LIPE: variants seen among roughly 807,000 people sequenced by gnomAD.
LIPE encodes the protein lipase E, hormone sensitive type, also known as hormone-sensitive lipase.
Under a neutral mutation model 88.5 loss-of-function variants are expected in LIPE, and 66 were observed. The ratio of observed to expected loss-of-function variants is 0.75; its 90% confidence interval spans 0.61 to 0.91. LIPE has a LOEUF of 0.91. Among genes scored for constraint, LIPE ranks in the 40% least tolerant of loss-of-function variants. LIPE has a pLI of 0.00. For synonymous variants in LIPE, 570 were observed against 617.5 expected, an observed-to-expected ratio of 0.92 and a Z score of 1.14; for missense variants, 1,346 against 1,434.7, an observed-to-expected ratio of 0.94 and a Z score of 1.00.
rs538690370 is a variant in LIPE, at chr19:42,401,820, G to C, written c.3223C>G (p.Arg1075Gly). ...ATGGGAACAACAGGCTTTTAGTGTC[G>C]CCCCCCGCAGCCCCCGTCTACCCCC... is the stretch of plus-strand genomic sequence containing the variant. ...AAGVDGGCGG[R>G]H Residue 1075 changes from arginine to glycine, a missense_variant, in exon 10 of 10, where the codon CGA (arginine) becomes GGA (glycine). Arg to Gly is a moderately radical substitution (Grantham distance 125). Coordinates refer to ENST00000244289, the MANE Select transcript of LIPE (RefSeq NM_005357.4). The C allele has an allele frequency of 5.4e-6, 8 of 1,479,354 alleles. No individual in the cohort carries two copies. 91.6% of individuals were successfully genotyped at this position (1,479,354 alleles called of 1,614,324 possible). A position where few individuals can be genotyped will look rare whatever the true frequency, so the allele number is the denominator to read the frequency against.
rs371656191 is a variant in LIPE at position 42,407,322 on chromosome 19, G to A, written c.1989C>T (p.His663=). The change falls in exon 6 of 10, where the codon CAC becomes CAT. Residue 663 remains histidine (H), a synonymous_variant. Transcript: ENST00000244289. This position sits in a 1 kb window ranked among gnomAD's most constrained non-coding sequence, Gnocchi z 5.8. The stretch of plus-strand genomic sequence containing the variant: ...GGGCCCAGCTCTTGAGGTAGGGCTC[G>A]TGGGATCTGGAGGTCTGGGCCACAA... The part of the protein sequence containing the change: ...GGFVAQTSRS[H]EPYLKSWAQE... 35 of 1,612,108 alleles carry A rather than the reference G, an allele frequency of 2.2e-5. No individual in the cohort carries two copies. In the East Asian group the frequency reaches 4.2e-4, roughly 20 times the overall value.
chr19:42,406,031 G>A lies in LIPE; in HGVS notation c.2365+130C>T. On this transcript the variant is annotated intron_variant, in intron 7 of 9. Transcript: ENST00000244289. This position sits in a 1 kb window ranked among gnomAD's most constrained non-coding sequence, Gnocchi z 5.7. The stretch of plus-strand genomic sequence containing the variant: ...ACACACACACACACGAAAAAAAAGG[G>A]ACAAGGAGTCTTAGATTCCTCTGCC... 2.9e-6 allele frequency: 2 copies of A among 690,792 alleles called. No homozygotes were observed. Among genetic ancestry groups the A allele is most frequent in the South Asian group, 3.7e-5 (2 of 53,864 alleles). 42.8% of individuals were successfully genotyped at this position (690,792 alleles called of 1,614,324 possible).
rs2040040297 is a variant in LIPE, at chr19:42,403,041, G to A, written c.2543-10C>T. Reference sequence around the variant, plus strand: ...CTGCGGCGCATCGGCTCTGAGAGAGGGAGAGCAGATAGGCCTGGCTCCGTT... The same window carrying A: ...CTGCGGCGCATCGGCTCTGAGAGAGAGAGAGCAGATAGGCCTGGCTCCGTT... On this transcript the variant is annotated splice_polypyrimidine_tract_variant and intron_variant, in intron 8 of 9. Coordinates refer to ENST00000244289, the MANE Select transcript of LIPE (RefSeq NM_005357.4). 1.3e-6 allele frequency: 2 copies of A among 1,536,438 alleles called. No homozygotes were observed. The highest frequency in any genetic ancestry group is 1.4e-5 in the African/African-American group (1 of 72,964).
rs2040334753 is a variant in LIPE, at chr19:42,410,356, T to G, written c.1370A>C (p.Tyr457Ser). Residue 457 changes from tyrosine to serine, a missense_variant, in exon 2 of 10, where the codon TAT (tyrosine) becomes TCT (serine). By Grantham distance (144) the Tyr-to-Ser change is moderately radical (BLOSUM62 -2). Transcript: ENST00000244289. This position sits in a 1 kb window ranked among gnomAD's most constrained non-coding sequence, Gnocchi z 6.1. ...EGLTADFLREYVTLHKGCFYG... is the reference protein window; with the variant it reads ...EGLTADFLRESVTLHKGCFYG... ...GAAGCATCCCTTATGCAGCGTGACA[T>G]ACTCCCGGAGGAAGTCGGCGGTGAG... 1 of 1,613,206 alleles carries G rather than the reference T, an allele frequency of 6.2e-7. No individual in the cohort carries two copies. Among genetic ancestry groups the G allele is most frequent in the Non-Finnish European group, 8.5e-7 (1 of 1,179,564 alleles).
intron 1 of LIPE, among the ~76,000 whole-genome samples, chr19:42,421,759 C>A (rs2040602980): frequency 6.6e-6 from 1 of 152,246 alleles, no homozygotes; most frequent in Non-Finnish European, 1.5e-5. Flanking sequence ...AGGACACTAG[C>A]CTCATCCAGT....
chr19:42,411,352 C>T, intron 1 of LIPE: 5 of 984,758 alleles, frequency 5.1e-6, no homozygotes, highest in Non-Finnish European at 6.0e-6. Context: ...ATGAATTCTC[C>T]TGGGGCCCAA....
intron 1 of LIPE, among the ~76,000 whole-genome samples, chr19:42,425,655 T>C (rs1013064968): frequency 3.3e-5 from 5 of 151,842 alleles, no homozygotes; most frequent in Admixed American, 3.3e-4. Context: ...CTACGGAAAA[T>C]GTAAAAATTA....
chr19:42,401,689 T>A lies in LIPE; in HGVS notation c.*123A>T. 2.2e-6 allele frequency: 1 copy of A among 459,020 alleles called. No individual in the cohort carries two copies. The highest frequency in any genetic ancestry group is 3.6e-6 in the Non-Finnish European group (1 of 281,558). The allele number at this position is 459,020 out of a possible 1,614,324, so 28.4% of individuals were successfully genotyped here. ...CCCTCCCCGTGGCGAGGGTCTCAGCTTTCGGGCCCCCGCCCCGCCCCCTTG... is the reference window on the plus strand; with the variant it reads ...CCCTCCCCGTGGCGAGGGTCTCAGCATTCGGGCCCCCGCCCCGCCCCCTTG... On this transcript the variant is annotated 3_prime_UTR_variant, in exon 10 of 10. Transcript: ENST00000244289.
In LIPE at chr19:42,403,241, ATGTG is replaced by A. The variant is rs56983822; in HGVS notation, c.2543-214_2543-211del. ...GTGGGGCAGTGTGTTCTAGTGAAGG[ATGTG>A]TGTGTGTGTGTGTGTGTGTGTGTGT... On this transcript the variant is annotated intron_variant, in intron 8 of 9. Transcript: ENST00000244289. Among the ~76,000 whole-genome samples, 3,848 of 91,854 alleles carry A rather than the reference ATGTG, an allele frequency of 0.042. 107 individuals carry two copies. Among genetic ancestry groups the A allele is most frequent in the East Asian group, 0.07 (192 of 2,746 alleles). 60.3% of individuals were successfully genotyped at this position (91,854 alleles called of 152,430 possible). A position where few individuals can be genotyped will look rare whatever the true frequency, so the allele number is the denominator to read the frequency against.
In LIPE at chr19:42,427,379, G is replaced by T; in HGVS notation, c.-230C>A. The T allele has an allele frequency of 3.0e-6, 2 of 660,382 alleles. No individual in the cohort carries two copies. Among genetic ancestry groups the T allele is most frequent in the Non-Finnish European group, 4.5e-6 (2 of 442,554 alleles). The allele number at this position is 660,382 out of a possible 1,614,324, so 40.9% of individuals were successfully genotyped here. ...TCTGTGCCTCTTTCTTTGGTGGGAGGATTAGGAATAGGAGGAGGCTATGTG... is the reference window on the plus strand; with the variant it reads ...TCTGTGCCTCTTTCTTTGGTGGGAGTATTAGGAATAGGAGGAGGCTATGTG... On this transcript the variant is annotated 5_prime_UTR_variant, in exon 1 of 10. Transcript: ENST00000244289.
rs760005050 is a variant in LIPE at position 42,402,622 on chromosome 19, T to C, written c.2952A>G (p.Pro984=). The C allele has an allele frequency of 2.5e-5, 37 of 1,493,394 alleles. 1 individual carries two copies. In the South Asian group the frequency reaches 4.9e-4, roughly 20 times the overall value. The allele number at this position is 1,493,394 out of a possible 1,614,324, so 92.5% of individuals were successfully genotyped here. ...TGTCGCTCACCACGATGTGCACAGGTGGCAGGCTCTTGAGCATGCTGTCGG... is the reference window on the plus strand; with the variant it reads ...TGTCGCTCACCACGATGTGCACAGGCGGCAGGCTCTTGAGCATGCTGTCGG... ...LAPDSMLKSL[P]PVHIVACALD... Residue 984 remains proline (P), a synonymous_variant, in exon 9 of 10, where the codon CCA becomes CCG. Coordinates refer to ENST00000244289, the MANE Select transcript of LIPE (RefSeq NM_005357.4).
In LIPE at chr19:42,410,800, T is replaced by C; in HGVS notation, c.926A>G (p.Gln309Arg). 6.3e-7 allele frequency: 1 copy of C among 1,588,666 alleles called. No individual in the cohort carries two copies. The highest frequency in any genetic ancestry group is 8.6e-7 in the Non-Finnish European group (1 of 1,164,982). ...GTCCTCCGCCAGAGTCACCAGCGAC[T>C]GTGTCATTGTGCGCAGGTCCATGTT... ...IHNMDLRTMT[Q>R]SLVTLAEDNI... The change falls in exon 2 of 10, where the codon CAG (glutamine) becomes CGG (arginine). Residue 309 changes from glutamine to arginine, a missense_variant. Physicochemically the swap from Gln to Arg is conservative, Grantham distance 43. Transcript: ENST00000244289. The surrounding 1 kb of genome is among the most constrained non-coding windows in gnomAD (Gnocchi z 6.1).
rs142745694 is a variant in LIPE, at chr19:42,407,994, G to C, written c.1638C>G (p.Thr546=). The change falls in exon 4 of 10, where the codon ACC becomes ACG. Residue 546 remains threonine, a synonymous_variant. Transcript: ENST00000244289. This position sits in a 1 kb window ranked among gnomAD's most constrained non-coding sequence, Gnocchi z 5.8. ...VHFWKAFWNI[T]EMEVLSSLAN... ...CCCTCACCGATAGCACTTCCATCTCGGTGATGTTCCAGAAGGCTTTCCAGA... is the reference window on the plus strand; with the variant it reads ...CCCTCACCGATAGCACTTCCATCTCCGTGATGTTCCAGAAGGCTTTCCAGA... 2.5e-6 allele frequency: 4 copies of C among 1,613,352 alleles called. No homozygotes were observed. Among genetic ancestry groups the C allele is most frequent in the Admixed American group, 3.3e-5 (2 of 60,002 alleles).
chr19:42,410,623 GTC>G lies in LIPE; in HGVS notation c.1101_1102del (p.Glu367AspfsTer77). The G allele has an allele frequency of 1.2e-6, 2 of 1,613,490 alleles. No homozygotes were observed. The highest frequency in any genetic ancestry group is 1.7e-6 in the Non-Finnish European group (2 of 1,179,862). On this transcript the variant is annotated frameshift_variant, in exon 2 of 10. Transcript: ENST00000244289. LOFTEE classifies it high-confidence loss of function. This position sits in a 1 kb window ranked among gnomAD's most constrained non-coding sequence, Gnocchi z 6.1. ...TAGGCTGCGGTACCCGTTGGCCGGT[GTC>G]TCTGGGTCCAGGTCAAAGAGGTGCG...
At position 42,406,242 on chromosome 19, in the gene LIPE, C is replaced by T. The variant is rs746826569; in HGVS notation, c.2284G>A (p.Ala762Thr). 126 of 1,613,630 alleles carry T rather than the reference C, an allele frequency of 7.8e-5. No homozygotes were observed. Among genetic ancestry groups the T allele is most frequent in the Non-Finnish European group, 9.2e-5 (109 of 1,179,854 alleles). Residue 762 changes from alanine (A) to threonine (T), a missense_variant, in exon 7 of 10, where the codon GCC (alanine) becomes ACC (threonine). Coordinates refer to ENST00000244289, the MANE Select transcript of LIPE (RefSeq NM_005357.4). The surrounding 1 kb of genome is among the most constrained non-coding windows in gnomAD (Gnocchi z 5.7). The stretch of plus-strand genomic sequence containing the variant: ...AGGCTCAGCAGGCGGGAGGGAGAGG[C>T]GGCAGGCTGCAGCATTGTGGCCGGG... ...AYPATMLQPA[A>T]SPSRLLSLMD... is the part of the protein sequence containing the mutation.
intron 8 of LIPE, among the ~76,000 whole-genome samples, chr19:42,403,696 G>A (rs924096202): frequency 3.1e-4 from 47 of 151,888 alleles, no homozygotes; most frequent in Admixed American, 7.2e-4. Flanking sequence ...CAAGTGATCC[G>A]CTCGCCTCGG....
intron 1 of LIPE, among the ~76,000 whole-genome samples, chr19:42,420,655 C>A (rs577035858): frequency 2.0e-4 from 30 of 152,174 alleles, no homozygotes; most frequent in African/African-American, 7.0e-4. Context: ...TGGAACCTGG[C>A]CCTTCTCCCC....
chr19:42,419,897 G>A (rs1329715752), intron 1 of LIPE, among the ~76,000 whole-genome samples: 1 of 151,952 alleles, frequency 6.6e-6, no homozygotes, highest in African/African-American at 2.4e-5. Context: ...GCGTGTGTGT[G>A]TTTAATTTAA....
chr19:42,412,648 C>T (rs1342903082), intron 1 of LIPE: 1 of 837,376 alleles, frequency 1.2e-6, no homozygotes, highest in African/African-American at 1.8e-5. Flanking sequence ...ACCCACAGCC[C>T]CTCCTCCCTC....
Sources: allele counts gnomAD v4.1 joint callset (sites outside exome capture counted in the v4.1 genomes callset), GRCh38; gene constraint gnomAD v4.1.1; non-coding constraint Gnocchi (gnomAD v3.1); transcripts MANE v1.5; gene names NCBI Gene and HGNC (gene_info 2026-07-23, HGNC 2026-07-21).